Variants in FAM78B observed in about 807,000 individuals in gnomAD.
FAM78B encodes family with sequence similarity 78 member B.
Under a neutral mutation model 20.0 loss-of-function variants are expected in FAM78B, and 10 were observed. The ratio of observed to expected loss-of-function variants is 0.50; its 90% CI spans 0.31 to 0.85. The LOEUF is 0.85. FAM78B is among the 40% of genes least tolerant of loss of function. The pLI is 0.05. For synonymous variants in FAM78B, 135 were observed against 132.8 expected, an observed-to-expected ratio of 1.02 and a Z score of -0.12; for missense variants, 283 against 345.0, an observed-to-expected ratio of 0.82 and a Z score of 1.42.
At chr1:166,151,831 A>T (rs1655684641) in intron 1 of FAM78B, among the ~76,000 whole-genome samples, 3 of 152,204 alleles carry the variant, frequency 2.0e-5, no homozygotes, top group Non-Finnish European at 4.4e-5. Context: ...AAACTTTATC[A>T]TGTAGACAAA....
chr1:166,135,789 T>C (rs1655044152), intron 1 of FAM78B, among the ~76,000 whole-genome samples: 1 of 152,164 alleles, frequency 6.6e-6, no homozygotes, highest in African/African-American at 2.4e-5. Context: ...CACCATGACT[T>C]TGTCAACTAC....
At chr1:166,094,473 A>C (rs1653199798) in intron 1 of FAM78B, among the ~76,000 whole-genome samples, 1 of 152,210 alleles carries the variant, frequency 6.6e-6, no homozygotes, top group Non-Finnish European at 1.5e-5. Flanking sequence ...GGCATTTCCC[A>C]ATCACTATGG....
chr1:166,147,680 G>A (rs1306164424), intron 1 of FAM78B: 1 of 151,988 alleles, frequency 6.6e-6, no homozygotes, highest in Non-Finnish European at 1.5e-5. Context: ...CACCCATGCT[G>A]GAGTGGAGCA....
At chr1:166,076,853 G>C (rs1483331990) in intron 1 of FAM78B, among the ~76,000 whole-genome samples, 1 of 152,150 alleles carries the variant, frequency 6.6e-6, no homozygotes, top group African/African-American at 2.4e-5. Flanking sequence ...GCAAAGTTGG[G>C]TCCAGAGCTT....
At chr1:166,136,430 A>C (rs1655066477) in intron 1 of FAM78B, among the ~76,000 whole-genome samples, 1 of 152,146 alleles carries the variant, frequency 6.6e-6, no homozygotes, top group Non-Finnish European at 1.5e-5. Flanking sequence ...TGAGCGGATC[A>C]GTGACGTAGG....
rs915089407 is a variant in FAM78B at position 166,077,664 on chromosome 1, TAC to T, written c.264-6903_264-6902del. Among the ~76,000 whole-genome samples the T allele has an allele frequency of 4.1e-4, 57 of 140,428 alleles. 1 individual carries two copies. Among genetic ancestry groups the T allele is most frequent in the African/African-American group, 1.5e-3 (57 of 37,930 alleles). 92.1% of individuals were successfully genotyped at this position (140,428 alleles called of 152,430 possible). A position where few individuals can be genotyped will look rare whatever the true frequency, so the allele number is the denominator to read the frequency against. ...ATATTTATATATAAATTATAATAAA[TAC>T]ATATAATTATATATTTATATATAAA... On this transcript the variant is annotated intron_variant, in intron 1 of 1. Transcript: ENST00000354422.
intron 1 of FAM78B, among the ~76,000 whole-genome samples, chr1:166,134,738 C>T (rs1263594719): frequency 1.3e-5 from 2 of 152,066 alleles, no homozygotes; most frequent in South Asian, 2.1e-4. Flanking sequence ...CCATTCGTAA[C>T]GATAACTTAA....
intron 1 of FAM78B, chr1:166,147,829 T>C (rs573990141): frequency 6.6e-6 from 1 of 152,246 alleles, no homozygotes; most frequent in South Asian, 2.1e-4. Flanking sequence ...AGATGGGGTC[T>C]TGCGCTTTGT....
exon 3 of FAM78B, chr1:166,060,403 T>C: frequency 5.2e-6 from 2 of 386,444 alleles, no homozygotes; most frequent in Non-Finnish European, 1.0e-5. Context: ...CAACTCTCAC[T>C]TTAACACAGC....
intron 1 of FAM78B, among the ~76,000 whole-genome samples, chr1:166,109,834 ATATATG>A (rs1557903098): frequency 0.012 from 222 of 17,816 alleles, 17 homozygotes; most frequent in African/African-American, 0.035. Flanking sequence ...ATATATATGT[ATATATG>A]TATATATATA....
At chr1:166,143,925 G>C (rs1408988920) in intron 1 of FAM78B, among the ~76,000 whole-genome samples, 1 of 152,148 alleles carries the variant, frequency 6.6e-6, no homozygotes, top group East Asian at 1.9e-4. Flanking sequence ...GGGCAGGATG[G>C]GGAGGGAATG....
chr1:166,120,130 C>T (rs1271885536), intron 1 of FAM78B, among the ~76,000 whole-genome samples: 3 of 152,212 alleles, frequency 2.0e-5, no homozygotes, highest in Admixed American at 6.5e-5. Flanking sequence ...CTTGTCTTTA[C>T]ATTTATTGAG....
At chr1:166,138,774 C>G (rs1655168599) in intron 1 of FAM78B, among the ~76,000 whole-genome samples, 1 of 152,232 alleles carries the variant, frequency 6.6e-6, no homozygotes, top group Admixed American at 6.5e-5. Flanking sequence ...AATGTCAACT[C>G]CATAAAGGCA....
chr1:166,086,036 T>A (rs1403265726), intron 1 of FAM78B, among the ~76,000 whole-genome samples: 1 of 152,188 alleles, frequency 6.6e-6, no homozygotes, highest in African/African-American at 2.4e-5. Flanking sequence ...TACTAAATTC[T>A]TGCTATAGTA....
In FAM78B at chr1:166,166,336, G is replaced by A; in HGVS notation, c.-88C>T. 1.9e-6 allele frequency: 2 copies of A among 1,038,636 alleles called. No individual in the cohort carries two copies. The highest frequency in any genetic ancestry group is 2.3e-6 in the Non-Finnish European group (2 of 859,892). The allele number at this position is 1,038,636 out of a possible 1,614,324, so 64.3% of individuals were successfully genotyped here. ...GGGGCGCCCGTCACGCCGGCATGGC[G>A]ACGCGCCGCTCGCTCCCGGTCAGAC... On this transcript the variant is annotated 5_prime_UTR_variant, in exon 1 of 2. Coordinates refer to ENST00000354422, the MANE Select transcript of FAM78B (RefSeq NM_001017961.5).
intron 1 of FAM78B, among the ~76,000 whole-genome samples, chr1:166,122,908 A>C (rs905170636): frequency 1.3e-5 from 2 of 152,228 alleles, no homozygotes; most frequent in African/African-American, 4.8e-5. Flanking sequence ...GATTATTCAC[A>C]GCTATCTGAG....
At position 166,084,237 on chromosome 1, in the gene FAM78B, A is replaced by ACACACACACACACACACACACT. The variant is rs771421402; in HGVS notation, c.264-13475_264-13474insAGTGTGTGTGTGTGTGTGTGTG. 2.9e-3 allele frequency among the ~76,000 whole-genome samples: 359 copies of ACACACACACACACACACACACT among 125,430 alleles called. 1 individual carries two copies. The highest frequency in any genetic ancestry group is 0.01 in the African/African-American group (344 of 34,162). The allele number at this position is 125,430 out of a possible 152,430, so 82.3% of individuals were successfully genotyped here. A position where few individuals can be genotyped will look rare whatever the true frequency, so the allele number is the denominator to read the frequency against. Reference sequence around the variant, plus strand: ...CACACACACACACACACACACACACACTCTCTCTCTCTCTCTCTCTCTCTC... The same window carrying ACACACACACACACACACACACT: ...CACACACACACACACACACACACACACACACACACACACACACACACTCTCTCTCTCTCTCTCTCTCTCTCTC... On this transcript the variant is annotated intron_variant, in intron 1 of 1. Transcript: ENST00000354422.
At chr1:166,059,911 T>C (rs1651513493) in exon 3 of FAM78B, 1 of 152,156 alleles carries the variant, frequency 6.6e-6, no homozygotes, top group Non-Finnish European at 1.5e-5. Flanking sequence ...AAAATGGAAA[T>C]GGATTTTGTG....
At chr1:166,079,514 G>C (rs912495090) in intron 1 of FAM78B, among the ~76,000 whole-genome samples, 1 of 152,204 alleles carries the variant, frequency 6.6e-6, no homozygotes, top group African/African-American at 2.4e-5. Flanking sequence ...GGTGTGCATG[G>C]AGTTTGGGAC....
Sources: gnomAD v4.1 joint callset for allele counts (sites outside exome capture counted in the v4.1 genomes callset) on GRCh38, gnomAD v4.1.1 for gene constraint, MANE v1.5 for transcripts, NCBI Gene and HGNC (gene_info 2026-07-23, HGNC 2026-07-21) for gene names.